Variants in MTHFD1L observed in about 807,000 individuals in gnomAD.
MTHFD1L encodes the protein methylenetetrahydrofolate dehydrogenase (NADP+ dependent) 1 like, also known as monofunctional C1-tetrahydrofolate synthase, mitochondrial.
A neutral mutation model predicts 119.5 loss-of-function variants in MTHFD1L; 81 were observed. The ratio of observed to expected loss-of-function variants is 0.68; its 90% CI spans 0.57 to 0.82. The LOEUF (loss-of-function observed/expected upper bound fraction) is 0.82. Ranked by LOEUF, MTHFD1L falls within the 40% of genes least tolerant of loss-of-function variation. The pLI is 0.00. For synonymous variants in MTHFD1L, 430 were observed against 475.2 expected, an observed-to-expected ratio of 0.90 and a Z score of 1.24; for missense variants, 1,125 against 1,253.4, an observed-to-expected ratio of 0.90 and a Z score of 1.55.
At chr6:151,100,668 ATTTCTC>A (rs1795297671) in intron 27 of MTHFD1L, among the ~76,000 whole-genome samples, 1 of 143,726 alleles carries the variant, frequency 7.0e-6, no homozygotes, top group South Asian at 2.2e-4. Flanking sequence ...AATGTAGTTT[ATTTCTC>A]TTTCTAAGAG....
intron 19 of MTHFD1L, among the ~76,000 whole-genome samples, chr6:150,968,654 C>T (rs1217761978): frequency 2.0e-5 from 3 of 151,308 alleles, no homozygotes; most frequent in Non-Finnish European, 2.9e-5. Flanking sequence ...GGATTATAGG[C>T]GCCTGCCACC....
At position 150,866,518 on chromosome 6, in the gene MTHFD1L, C is replaced by T. The variant is rs371146914; in HGVS notation, c.227+469C>T. The T allele has an allele frequency of 7.4e-5, 96 of 1,288,706 alleles. No homozygotes were observed. The East Asian group carries it at 3.0e-3, about 40-fold the overall frequency. The allele number at this position is 1,288,706 out of a possible 1,614,324, so 79.8% of individuals were successfully genotyped here. ...GCAAGCGGAGCTCGGGAGAGGCGGG[C>T]TCGGGCCCAGCGCCGCCCGCGCGAA... is the stretch of plus-strand genomic sequence containing the variant. On this transcript the variant is annotated intron_variant, in intron 1 of 27. Transcript: ENST00000367321.
chr6:151,013,326 G>T (rs149785265), intron 21 of MTHFD1L, among the ~76,000 whole-genome samples: 46 of 152,354 alleles, frequency 3.0e-4, no homozygotes, highest in African/African-American at 9.9e-4. Flanking sequence ...ACCGCAGTGA[G>T]CTGTGATTGT....
chr6:150,960,435 A>G lies in MTHFD1L; in HGVS notation c.1944+20A>G. 1 of 1,589,744 alleles carries G rather than the reference A, an allele frequency of 6.3e-7. No individual in the cohort carries two copies. ...GATTTGGTGAGTGTTTCCAACTCGG[A>G]AGCTTCAGGGAGTGGACGGTCCTCG... is the stretch of plus-strand genomic sequence containing the variant. On this transcript the variant is annotated intron_variant, in intron 18 of 27. Coordinates refer to ENST00000367321, the MANE Select transcript of MTHFD1L (RefSeq NM_015440.5).
intron 1 of MTHFD1L, among the ~76,000 whole-genome samples, chr6:150,866,862 G>C (rs567015939): frequency 1.3e-5 from 2 of 152,168 alleles, no homozygotes; most frequent in Admixed American, 6.5e-5. Context: ...CACGGGTCTC[G>C]GGCCTTGCAG....
At chr6:150,886,334 G>A (rs970842772) in intron 6 of MTHFD1L, among the ~76,000 whole-genome samples, 7 of 151,830 alleles carry the variant, frequency 4.6e-5, no homozygotes, top group Non-Finnish European at 1.0e-4. Flanking sequence ...TATGCTGGAG[G>A]CTCAGGCGGG....
chr6:150,877,584 TG>T (rs1562298597), intron 2 of MTHFD1L, 49 bp from the exon 3 acceptor site: 1 of 1,587,336 alleles, frequency 6.3e-7, no homozygotes, highest in Admixed American at 1.7e-5. Flanking sequence ...TTATCTTTTG[TG>T]CCTTTTCAAG....
chr6:151,087,893 A>G (rs931293204), intron 26 of MTHFD1L, among the ~76,000 whole-genome samples: 10 of 152,252 alleles, frequency 6.6e-5, no homozygotes, highest in African/African-American at 2.4e-4. Context: ...TTTGTAGAAG[A>G]ATCCATTAAT....
At chr6:151,097,919 A>G (rs549959690) in intron 27 of MTHFD1L, among the ~76,000 whole-genome samples, 43 of 152,298 alleles carry the variant, frequency 2.8e-4, no homozygotes, top group Admixed American at 9.2e-4. Flanking sequence ...TCATGCTTCT[A>G]ATCTCAGCAG....
chr6:151,081,750 G>T (rs1182107575), intron 26 of MTHFD1L, among the ~76,000 whole-genome samples: 3 of 152,144 alleles, frequency 2.0e-5, no homozygotes, highest in Admixed American at 2.0e-4. Flanking sequence ...GGGTCGGAGG[G>T]GCAAGGGTCT....
chr6:150,882,895 A>G lies in MTHFD1L; in HGVS notation c.542+9A>G. 1.3e-6 allele frequency: 2 copies of G among 1,562,688 alleles called. No individual in the cohort carries two copies. Among genetic ancestry groups the G allele is most frequent in the Non-Finnish European group, 1.7e-6 (2 of 1,164,546 alleles). Reference sequence around the variant, plus strand: ...GAAAAAGATGTGGATGGGTAAGAAAATAAAATCAAATAATCAACCTTTATG... The same window carrying G: ...GAAAAAGATGTGGATGGGTAAGAAAGTAAAATCAAATAATCAACCTTTATG... On this transcript the variant is annotated intron_variant, in intron 5 of 27. Coordinates refer to ENST00000367321, the MANE Select transcript of MTHFD1L (RefSeq NM_015440.5).
Position 150,865,789 on chromosome 6 carries a change from C to T in MTHFD1L, c.-34C>T, listed in dbSNP as rs766859379. ...GCCCCGCCGCCCTCGGCAGCCGCAGCTCCGTGTCCCCTGAGAACCAGCCGT... is the reference window on the plus strand; with the variant it reads ...GCCCCGCCGCCCTCGGCAGCCGCAGTTCCGTGTCCCCTGAGAACCAGCCGT... On this transcript the variant is annotated 5_prime_UTR_variant, in exon 1 of 28. Coordinates refer to ENST00000367321, the MANE Select transcript of MTHFD1L (RefSeq NM_015440.5). 5 of 1,285,570 alleles carry T rather than the reference C, an allele frequency of 3.9e-6. No individual in the cohort carries two copies. The Admixed American group carries it at 1.4e-4, about 35-fold the overall frequency. The allele number at this position is 1,285,570 out of a possible 1,614,324, so 79.6% of individuals were successfully genotyped here.
In MTHFD1L at chr6:150,902,922, T is replaced by G. The variant is rs565525554; in HGVS notation, c.781-2728T>G. Among the ~76,000 whole-genome samples, 6 of 152,314 alleles carry G rather than the reference T, an allele frequency of 3.9e-5. No homozygotes were observed. The South Asian group carries it at 1.2e-3, about 32-fold the overall frequency. On this transcript the variant is annotated intron_variant, in intron 7 of 27. Transcript: ENST00000367321. ...TTACCGTGTTCTGGTTTTGCTGCTATTCTGCCTGAAAATCTAGCAAAATGG... is the reference window on the plus strand; with the variant it reads ...TTACCGTGTTCTGGTTTTGCTGCTAGTCTGCCTGAAAATCTAGCAAAATGG...
At chr6:151,049,851 G>C (rs569276642) in intron 26 of MTHFD1L, among the ~76,000 whole-genome samples, 1 of 152,114 alleles carries the variant, frequency 6.6e-6, no homozygotes. Flanking sequence ...AATGTTGGGG[G>C]TGTCACGCCT....
At chr6:150,995,610 T>C (rs928777250) in intron 20 of MTHFD1L, among the ~76,000 whole-genome samples, 3 of 152,278 alleles carry the variant, frequency 2.0e-5, no homozygotes, top group South Asian at 2.1e-4. Flanking sequence ...TGAAAATGAT[T>C]TATGGTTTTT....
intron 8 of MTHFD1L, among the ~76,000 whole-genome samples, chr6:150,916,808 G>A (rs1462225059): frequency 8.6e-6 from 1 of 116,092 alleles, no homozygotes; most frequent in African/African-American, 3.4e-5. Flanking sequence ...TGTTGCCCAG[G>A]CTGGAGAGCA....
chr6:150,912,950 A>C, intron 8 of MTHFD1L: 1 of 162,436 alleles, frequency 6.2e-6, no homozygotes, highest in Non-Finnish European at 1.4e-5. Context: ...TGTATGTCTG[A>C]TTCTGAGTTG....
intron 9 of MTHFD1L, among the ~76,000 whole-genome samples, chr6:150,921,589 C>T (rs1385420598): frequency 6.6e-6 from 1 of 152,058 alleles, no homozygotes; most frequent in African/African-American, 2.4e-5. Context: ...AGAATCTCAG[C>T]TAGGATGAAG....
Position 150,946,604 on chromosome 6 carries a change from A to T in MTHFD1L, c.1623+1063A>T, listed in dbSNP as rs574509305. On this transcript the variant is annotated intron_variant, in intron 15 of 27. Transcript: ENST00000367321. ...CTAGCCCTGTTTCAGAGACTAAAAA[A>T]TAACCCTAAATGGTATAACTTAACA... Among the ~76,000 whole-genome samples, 20 of 152,332 alleles carry T rather than the reference A, an allele frequency of 1.3e-4. 1 individual carries two copies. The South Asian group carries it at 4.1e-3, about 32-fold the overall frequency.
Sources: gnomAD v4.1 joint callset for allele counts (sites outside exome capture counted in the v4.1 genomes callset) on GRCh38, gnomAD v4.1.1 for gene constraint, MANE v1.5 for transcripts, NCBI Gene and HGNC (gene_info 2026-07-23, HGNC 2026-07-21) for gene names.